Variants in PRUNE2 observed in about 807,000 individuals in gnomAD.
PRUNE2 encodes the protein protein prune homolog 2.
PRUNE2 carries 164 observed loss-of-function variants against 252.0 expected under a neutral mutation model. The observed-to-expected ratio is 0.65, with a 90% CI of 0.57 to 0.74. PRUNE2 has a LOEUF of 0.74. PRUNE2 is among the 30% of genes least tolerant of loss of function. The pLI is 0.00. For missense variants in PRUNE2, 3,495 were observed against 3,711.0 expected, an observed-to-expected ratio of 0.94 and a Z score of 1.51; for synonymous variants, 1,292 against 1,350.2, an observed-to-expected ratio of 0.96 and a Z score of 0.94.
At chr9:76,833,770 AT>A (rs1359927803) in intron 4 of PRUNE2, among the ~76,000 whole-genome samples, 4 of 151,614 alleles carry the variant, frequency 2.6e-5, no homozygotes, top group Admixed American at 6.6e-5. Context: ...ATAAAAAAAA[AT>A]AAATAAATAA....
At chr9:76,753,952 C>T (rs2050870088) in intron 6 of PRUNE2, among the ~76,000 whole-genome samples, 3 of 151,510 alleles carry the variant, frequency 2.0e-5, no homozygotes, top group Admixed American at 6.6e-5. Flanking sequence ...TAAGTGATTC[C>T]ACCATACAGG....
intron 6 of PRUNE2, among the ~76,000 whole-genome samples, chr9:76,761,975 G>A (rs577567225): frequency 6.6e-6 from 1 of 152,164 alleles, no homozygotes; most frequent in South Asian, 2.1e-4. Flanking sequence ...CAAACAACTG[G>A]GTCCGTCATA....
intron 9 of PRUNE2, among the ~76,000 whole-genome samples, chr9:76,680,544 T>G (rs566496063): frequency 1.3e-5 from 2 of 152,350 alleles, no homozygotes; most frequent in South Asian, 4.1e-4. Context: ...CTTCTTGTTA[T>G]AAGTCCAAAA....
chr9:76,702,748 C>A (rs546991623), intron 9 of PRUNE2, among the ~76,000 whole-genome samples: 1 of 152,308 alleles, frequency 6.6e-6, no homozygotes, highest in African/African-American at 2.4e-5. Flanking sequence ...TAGGTGCTTA[C>A]ATAAAACCAG....
chr9:76,752,410 T>A (rs1453827056), intron 6 of PRUNE2, among the ~76,000 whole-genome samples: 2 of 152,138 alleles, frequency 1.3e-5, no homozygotes, highest in Admixed American at 6.5e-5. Context: ...CACTCAATTC[T>A]TAAATGCCTT....
intron 1 of PRUNE2, among the ~76,000 whole-genome samples, chr9:76,883,569 G>A (rs1434544753): frequency 6.6e-6 from 1 of 152,134 alleles, no homozygotes; most frequent in African/African-American, 2.4e-5. Context: ...TTACAATATG[G>A]CTCCTGAGTA....
Position 76,614,119 on chromosome 9 carries a change from T to C in PRUNE2, c.*451A>G, listed in dbSNP as rs572467857. The C allele has an allele frequency of 6.3e-6, 1 of 158,614 alleles. No individual in the cohort carries two copies. Among genetic ancestry groups the C allele is most frequent in the African/African-American group, 2.4e-5 (1 of 41,496 alleles). 9.8% of individuals were successfully genotyped at this position (158,614 alleles called of 1,614,324 possible). ...CTAGTCAGGCTTAGGATTTTAAAGG[T>C]GGAGTCAAACAGGGGAAACTTTCCT... On this transcript the variant is annotated 3_prime_UTR_variant, in exon 19 of 19. Transcript: ENST00000376718.
chr9:76,653,056 C>T (rs962470459), intron 10 of PRUNE2, among the ~76,000 whole-genome samples: 6 of 152,048 alleles, frequency 3.9e-5, no homozygotes, highest in African/African-American at 1.2e-4. Context: ...ATATAGACAC[C>T]CTTCTTGAAA....
intron 2 of PRUNE2, among the ~76,000 whole-genome samples, chr9:76,852,814 A>G (rs1441587440): frequency 2.6e-5 from 1 of 38,370 alleles, no homozygotes; most frequent in East Asian, 3.8e-4. Context: ...CTGTCTATCT[A>G]TCTATCTATC....
At chr9:76,619,840 T>A (rs1282942021) in intron 17 of PRUNE2, among the ~76,000 whole-genome samples, 1 of 152,210 alleles carries the variant, frequency 6.6e-6, no homozygotes, top group East Asian at 1.9e-4. Context: ...AATGTCAGCG[T>A]CAGCTCTCCT....
At position 76,897,390 on chromosome 9, in the gene PRUNE2, CTTTTTTTTTTTTTTTTTT is replaced by C. The variant is rs55702049; in HGVS notation, c.36+8520_36+8537del. 3.3e-3 allele frequency among the ~76,000 whole-genome samples: 183 copies of C among 56,280 alleles called. 2 individuals are homozygous for C. Among genetic ancestry groups the C allele is most frequent in the Admixed American group, 6.2e-3 (25 of 4,012 alleles). 36.9% of individuals were successfully genotyped at this position (56,280 alleles called of 152,430 possible). On this transcript the variant is annotated intron_variant, in intron 1 of 18. Transcript: ENST00000376718. ...TGGCTATGCAACCTTAGGCAAACCT[CTTTTTTTTTTTTTTTTTT>C]TTTTTTTTTTTTTTTTTTTGAGATG...
chr9:76,888,018 G>A (rs923285805), intron 1 of PRUNE2, among the ~76,000 whole-genome samples: 6 of 152,114 alleles, frequency 3.9e-5, no homozygotes, highest in African/African-American at 2.4e-5. Flanking sequence ...TGTGTTAAGG[G>A]AAAAGGAATA....
At chr9:76,616,423 T>G (rs7031280) in intron 18 of PRUNE2, among the ~76,000 whole-genome samples, 86,170 of 152,048 alleles carry the variant, frequency 0.57, 26,017 homozygotes, top group Non-Finnish European at 0.69. Context: ...AAGAGAATAT[T>G]TACTAAACCA....
intron 6 of PRUNE2, 106 bp downstream of exon 6, chr9:76,823,526 G>A: frequency 1.4e-6 from 1 of 699,938 alleles, no homozygotes; most frequent in Non-Finnish European, 2.6e-6. Context: ...TCACAAAGAA[G>A]CAAAGGACTA....
intron 6 of PRUNE2, among the ~76,000 whole-genome samples, chr9:76,765,527 T>C (rs1177164212): frequency 2.0e-5 from 3 of 152,194 alleles, no homozygotes; most frequent in African/African-American, 7.2e-5. Flanking sequence ...AATTGCATTC[T>C]AGCAATTAGC....
In PRUNE2 at chr9:76,615,164, T is replaced by C. The variant is rs546123370; in HGVS notation, c.9237-564A>G. The stretch of plus-strand genomic sequence containing the variant: ...TCAGAAGGTCAAATGGGTTCCCAAG[T>C]ATCTGAGGAGTAAGCCTAAAACTCA... On this transcript the variant is annotated intron_variant, in intron 18 of 18. Coordinates refer to ENST00000376718, the MANE Select transcript of PRUNE2 (RefSeq NM_015225.3). 87 of 985,364 alleles carry C rather than the reference T, an allele frequency of 8.8e-5. No individual in the cohort carries two copies. In the African/African-American group the frequency reaches 1.4e-3, roughly 16 times the overall value. The allele number at this position is 985,364 out of a possible 1,614,324, so 61.0% of individuals were successfully genotyped here. A position where few individuals can be genotyped will look rare whatever the true frequency, so the allele number is the denominator to read the frequency against.
chr9:76,646,395 A>T (rs569020866), intron 11 of PRUNE2, among the ~76,000 whole-genome samples: 54 of 152,362 alleles, frequency 3.5e-4, no homozygotes, highest in African/African-American at 1.3e-3. Context: ...TAGCAAAATG[A>T]AGTTCGGTTG....
Position 76,654,386 on chromosome 9 carries a change from G to T in PRUNE2, c.8356+1037C>A, listed in dbSNP as rs531754422. ...TCACCCAAACTCTGTTCTAGGTAAT[G>T]GTTTTATGTATTACTTGAAAAAGGT... On this transcript the variant is annotated intron_variant, in intron 10 of 18. Coordinates refer to ENST00000376718, the MANE Select transcript of PRUNE2 (RefSeq NM_015225.3). 4.6e-5 allele frequency among the ~76,000 whole-genome samples: 7 copies of T among 152,182 alleles called. No individual in the cohort carries two copies. In the South Asian group the frequency reaches 1.2e-3, roughly 27 times the overall value.
rs192088743 is a variant in PRUNE2 at position 76,851,995 on chromosome 9, C to A, written c.142-1330G>T. Among the ~76,000 whole-genome samples, 265 of 152,312 alleles carry A rather than the reference C, an allele frequency of 1.7e-3. 1 individual carries two copies. The highest frequency in any genetic ancestry group is 0.014 in the Middle Eastern group (4 of 294). ...ACATAAATGGCCTTTACTCTCACACCATCACCAGCTTGTCACAGTTTTAAC... is the reference window on the plus strand; with the variant it reads ...ACATAAATGGCCTTTACTCTCACACAATCACCAGCTTGTCACAGTTTTAAC... On this transcript the variant is annotated intron_variant, in intron 2 of 18. Coordinates refer to ENST00000376718, the MANE Select transcript of PRUNE2 (RefSeq NM_015225.3).
Sources: allele counts gnomAD v4.1 joint callset (sites outside exome capture counted in the v4.1 genomes callset), GRCh38; gene constraint gnomAD v4.1.1; transcripts MANE v1.5; gene names NCBI Gene and HGNC (gene_info 2026-07-23, HGNC 2026-07-21).